The following PCDHGB5 variants were observed in gnomAD, a reference collection of about 807,000 sequenced individuals.
PCDHGB5 encodes protocadherin gamma subfamily B, 5.
In PCDHGB5, 48 loss-of-function variants were observed where a neutral mutation model predicts 62.9. The ratio of observed to expected loss-of-function variants is 0.76; its 90% confidence interval spans 0.61 to 0.97. The LOEUF (loss-of-function observed/expected upper bound fraction) is 0.97. Ranked by LOEUF, PCDHGB5 falls within the 50% of genes least tolerant of loss-of-function variation. The pLI is 0.00. For missense variants in PCDHGB5, 1,118 were observed against 1,198.6 expected (o/e 0.93, Z 0.99); for synonymous variants, 474 against 511.2 (o/e 0.93, Z 0.98).
intron 1 of PCDHGB5, among the ~76,000 whole-genome samples, chr5:141,484,207 A>G (rs898823095): frequency 2.6e-5 from 4 of 152,218 alleles, no homozygotes; most frequent in Non-Finnish European, 5.9e-5. Context: ...ATCTATGAAC[A>G]TTAGCATTCT....
At chr5:141,500,500 C>T (rs6872480) in intron 2 of PCDHGB5, among the ~76,000 whole-genome samples, 1,599 of 152,210 alleles carry the variant, frequency 0.011, 36 homozygotes, top group African/African-American at 0.036. Context: ...TGAGCCACCG[C>T]GCCTGGCCGA....
chr5:141,510,568 G>C (rs2099881703), intron 3 of PCDHGB5, among the ~76,000 whole-genome samples: 1 of 152,100 alleles, frequency 6.6e-6, no homozygotes, highest in Non-Finnish European at 1.5e-5. Context: ...CATCTACCAG[G>C]CACTATTTTA....
At chr5:141,427,960 G>C (rs759698390) in intron 1 of PCDHGB5, 7 of 1,589,168 alleles carry the variant, frequency 4.4e-6, no homozygotes, top group South Asian at 1.1e-5. Flanking sequence ...AATGTGCCGC[G>C]GGTGCTGTAC....
intron 1 of PCDHGB5, chr5:141,417,791 C>T: frequency 6.7e-7 from 1 of 1,482,658 alleles, no homozygotes; most frequent in Non-Finnish European, 9.0e-7. Context: ...GCCGAATGCT[C>T]TTTTAGCGCG....
chr5:141,496,225 G>C (rs112222482), intron 2 of PCDHGB5, among the ~76,000 whole-genome samples: 178 of 152,276 alleles, frequency 1.2e-3, no homozygotes, highest in Non-Finnish European at 1.8e-3. Context: ...TGCTGAGACA[G>C]GAACCCCCTG....
intron 1 of PCDHGB5, chr5:141,404,569 C>T (rs887708182): frequency 6.2e-7 from 1 of 1,613,608 alleles, no homozygotes; most frequent in African/African-American, 1.3e-5. Context: ...ACAGTGGAAG[C>T]CCACCACTTA....
intron 1 of PCDHGB5, chr5:141,415,045 G>C: frequency 6.2e-7 from 1 of 1,613,538 alleles, no homozygotes; most frequent in Non-Finnish European, 8.5e-7. Flanking sequence ...CTTCGCGGTG[G>C]GGGAGCACAC....
At chr5:141,426,010 C>T (rs2096909211) in intron 1 of PCDHGB5, among the ~76,000 whole-genome samples, 1 of 152,178 alleles carries the variant, frequency 6.6e-6, no homozygotes, top group Non-Finnish European at 1.5e-5. Flanking sequence ...CTTCCGGCTG[C>T]AGTTTTCTAA....
rs2093776436 is a variant in PCDHGB5 at position 141,399,260 on chromosome 5, T to A, written c.1133T>A (p.Val378Asp). The change falls in exon 1 of 4, where the codon GTT becomes GAT. Residue 378 changes from valine (V) to aspartate (D), a missense_variant. Physicochemically the swap from Val to Asp is radical, Grantham distance 152. Around this residue, in one of 2 missense-constraint regions of PCDHGB5, gnomAD observed 1,034 missense variants for 1,029.1 expected, o/e 1.00. Transcript: ENST00000617380. The stretch of plus-strand genomic sequence containing the variant: ...CAAGATTCTGGGGAAAATGGGGAGG[T>A]TAATTGTCAATTACAAGGCGAAGTC... ...HDQDSGENGE[V>D]NCQLQGEVPF... 1 of 1,613,614 alleles carries A rather than the reference T, an allele frequency of 6.2e-7. No homozygotes were observed. The highest frequency in any genetic ancestry group is 1.1e-5 in the South Asian group (1 of 91,076).
intron 1 of PCDHGB5, among the ~76,000 whole-genome samples, chr5:141,480,704 G>A (rs545986902): frequency 8.5e-5 from 13 of 152,206 alleles, no homozygotes; most frequent in East Asian, 5.8e-4. Flanking sequence ...GCCACACCCC[G>A]ACAAATGAAA....
In PCDHGB5 at chr5:141,486,157, A is replaced by C. The variant is rs1562110580; in HGVS notation, c.2398-8650A>C. On this transcript the variant is annotated intron_variant, in intron 1 of 3. Transcript: ENST00000617380. This position sits in a 1 kb window ranked among gnomAD's most constrained non-coding sequence, Gnocchi z 5.0. ...TGCGGGCTCGCGATGGGGGTTCTCC[A>C]GCCATGGAGCAACATTGCAGCCTTC... 10 of 1,614,208 alleles carry C rather than the reference A, an allele frequency of 6.2e-6. No individual in the cohort carries two copies. The highest frequency in any genetic ancestry group is 8.5e-6 in the Non-Finnish European group (10 of 1,180,028).
intron 1 of PCDHGB5, chr5:141,421,168 A>G: frequency 1.5e-6 from 2 of 1,331,612 alleles, no homozygotes; most frequent in South Asian, 1.5e-5. Context: ...TCATAGATAC[A>G]TAAGCCGATT....
At chr5:141,474,252 A>T (rs1381172188) in intron 1 of PCDHGB5, among the ~76,000 whole-genome samples, 1 of 152,200 alleles carries the variant, frequency 6.6e-6, no homozygotes, top group Non-Finnish European at 1.5e-5. Flanking sequence ...GGAAAAAAAG[A>T]CTGATAAACC....
rs779993462 is a variant in PCDHGB5 at position 141,400,454 on chromosome 5, T to C, written c.2327T>C (p.Leu776Pro). Reference protein sequence around the residue: ...SEQLSSGQDILCGDSSGALFP... With the variant: ...SEQLSSGQDIPCGDSSGALFP... Reference sequence around the variant, plus strand: ...CAATTGAGTTCAGGACAAGACATACTTTGTGGTGATTCATCTGGGGCCTTA... The same window carrying C: ...CAATTGAGTTCAGGACAAGACATACCTTGTGGTGATTCATCTGGGGCCTTA... Residue 776 changes from leucine (L) to proline (P), a missense_variant, in exon 1 of 4, where the codon CTT (leucine) becomes CCT (proline). By Grantham distance (98) the Leu-to-Pro change is moderately conservative. Coordinates refer to ENST00000617380, the MANE Select transcript of PCDHGB5 (RefSeq NM_018925.3). 6.2e-7 allele frequency: 1 copy of C among 1,614,096 alleles called. No homozygotes were observed. The highest frequency in any genetic ancestry group is 8.5e-7 in the Non-Finnish European group (1 of 1,179,910).
chr5:141,433,837 CAAA>C (rs56191208), intron 1 of PCDHGB5, among the ~76,000 whole-genome samples: 5 of 111,684 alleles, frequency 4.5e-5, no homozygotes, highest in Admixed American at 2.0e-4. Flanking sequence ...AACTCTATCT[CAAA>C]AAAAAAAAAA....
chr5:141,489,904 C>T lies in PCDHGB5; in HGVS notation c.2398-4903C>T, dbSNP rs750411680. On this transcript the variant is annotated intron_variant, in intron 1 of 3. Transcript: ENST00000617380. This position sits in a 1 kb window ranked among gnomAD's most constrained non-coding sequence, Gnocchi z 4.5. ...TGCTGTGGATGGGGGGACCCCAGCC[C>T]GCTCAGGGACCACCCTTATCTCTGT... 1.6e-5 allele frequency: 26 copies of T among 1,614,092 alleles called. No homozygotes were observed. The highest frequency in any genetic ancestry group is 3.3e-5 in the Admixed American group (2 of 60,014).
intron 1 of PCDHGB5, chr5:141,422,395 C>T: frequency 1.9e-6 from 3 of 1,596,286 alleles, no homozygotes; most frequent in South Asian, 1.1e-5. Context: ...TATTCCTAAC[C>T]ACCTGCCTTT....
At chr5:141,434,497 G>A (rs986672351) in intron 1 of PCDHGB5, among the ~76,000 whole-genome samples, 2 of 152,214 alleles carry the variant, frequency 1.3e-5, no homozygotes, top group African/African-American at 4.8e-5. Context: ...CCCGCCCAGG[G>A]CAGAAAACTG....
In PCDHGB5 at chr5:141,493,521, G is replaced by A. The variant is rs967636266; in HGVS notation, c.2398-1286G>A. Among the ~76,000 whole-genome samples the A allele has an allele frequency of 3.9e-5, 6 of 152,242 alleles. No homozygotes were observed. In the East Asian group the frequency reaches 7.7e-4, roughly 20 times the overall value. The stretch of plus-strand genomic sequence containing the variant: ...CTCATTTCTGAGCAGTCCCCGCAGC[G>A]CAAACTTGGCCAGTTATCCTTTTGG... On this transcript the variant is annotated intron_variant, in intron 1 of 3. Coordinates refer to ENST00000617380, the MANE Select transcript of PCDHGB5 (RefSeq NM_018925.3). This position sits in a 1 kb window ranked among gnomAD's most constrained non-coding sequence, Gnocchi z 4.3.
Sources: gnomAD v4.1 joint callset for allele counts (sites outside exome capture counted in the v4.1 genomes callset) on GRCh38, gnomAD v4.1.1 for gene constraint, gnomAD v4.1.1 regional missense constraint, Gnocchi (gnomAD v3.1) non-coding constraint, MANE v1.5 for transcripts, NCBI Gene and HGNC (gene_info 2026-07-23, HGNC 2026-07-21) for gene names.